FAP: variants seen among roughly 807,000 people sequenced by gnomAD.
FAP encodes the protein prolyl endopeptidase FAP.
FAP carries 110 observed loss-of-function variants against 126.5 expected under a neutral mutation model. That is an observed-to-expected ratio of 0.87 (90% CI 0.74 to 1.02). FAP has a LOEUF of 1.02. Ranked by LOEUF, FAP falls within the 50% of genes least tolerant of loss-of-function variation. The probability of loss-of-function intolerance (pLI) is 0.00; values close to 1 mark genes in which losing one functional copy is unlikely to be tolerated. For synonymous variants in FAP, 334 were observed against 297.3 expected (o/e 1.12, Z -1.27); for missense variants, 919 against 909.2 (o/e 1.01, Z -0.14).
intron 16 of FAP, among the ~76,000 whole-genome samples, chr2:162,196,790 G>A (rs1225598137): frequency 6.6e-6 from 1 of 152,110 alleles, no homozygotes; most frequent in Non-Finnish European, 1.5e-5. Context: ...TTCCTATGAT[G>A]GCGCAGTGAC....
intron 21 of FAP, among the ~76,000 whole-genome samples, chr2:162,179,806 A>C (rs201209521): frequency 5.0e-5 from 7 of 138,840 alleles, no homozygotes; most frequent in African/African-American, 1.7e-4. Flanking sequence ...ATATATATAT[A>C]TATATATTTT....
chr2:162,182,266 C>A (rs574153969), intron 21 of FAP, among the ~76,000 whole-genome samples: 1 of 152,086 alleles, frequency 6.6e-6, no homozygotes, highest in Non-Finnish European at 1.5e-5. Context: ...AAAGCAAAGT[C>A]CAACTCTAAG....
At chr2:162,184,495 A>C (rs1013739853) in intron 20 of FAP, among the ~76,000 whole-genome samples, 1 of 152,236 alleles carries the variant, frequency 6.6e-6, no homozygotes, top group Admixed American at 6.5e-5. Context: ...TCTTGCATTG[A>C]TTCAACATGC....
At chr2:162,234,741 C>T (rs961219016) in intron 2 of FAP, among the ~76,000 whole-genome samples, 2 of 152,160 alleles carry the variant, frequency 1.3e-5, no homozygotes, top group African/African-American at 2.4e-5. Context: ...TCCTCGGCCT[C>T]GGCACCCATT....
intron 19 of FAP, 39 bp downstream of exon 19, chr2:162,189,064 T>C (rs1326650132): frequency 7.8e-7 from 1 of 1,282,880 alleles, no homozygotes; most frequent in Admixed American, 1.8e-5. Flanking sequence ...TAACATATTT[T>C]CAGTAAATAG....
intron 12 of FAP, among the ~76,000 whole-genome samples, chr2:162,209,182 T>C (rs2106259195): frequency 6.6e-6 from 1 of 152,252 alleles, no homozygotes; most frequent in Non-Finnish European, 1.5e-5. Flanking sequence ...CCTAAGAGTT[T>C]CCTTTTTCAT....
At chr2:162,201,097 G>C (rs903785018) in intron 14 of FAP, among the ~76,000 whole-genome samples, 1 of 152,170 alleles carries the variant, frequency 6.6e-6, no homozygotes, top group African/African-American at 2.4e-5. Context: ...AGATGCAAAA[G>C]AAGTCATAAG....
At chr2:162,193,795 A>G (rs1193861628) in intron 17 of FAP, 1 of 151,542 alleles carries the variant, frequency 6.6e-6, no homozygotes, top group Non-Finnish European at 1.5e-5. Flanking sequence ...TGTTATTTTC[A>G]CCTACACTTG....
At chr2:162,216,230 T>A (rs1310944878) in intron 9 of FAP, among the ~76,000 whole-genome samples, 2 of 152,202 alleles carry the variant, frequency 1.3e-5, no homozygotes, top group African/African-American at 4.8e-5. Context: ...AACTGCCTAA[T>A]GAGAGAGCTT....
At chr2:162,184,772 TA>T (rs3216639) in intron 20 of FAP, among the ~76,000 whole-genome samples, 6,392 of 149,648 alleles carry the variant, frequency 0.043, 666 homozygotes, top group Admixed American at 0.24. Context: ...ACTTTCTTGT[TA>T]AAAAAAAAAT....
chr2:162,231,133 G>T (rs1387776899), intron 2 of FAP, among the ~76,000 whole-genome samples: 1 of 152,192 alleles, frequency 6.6e-6, no homozygotes, highest in Admixed American at 6.5e-5. Context: ...CAAGGGGACT[G>T]ATTCTACCCC....
Position 162,173,751 on chromosome 2 carries a change from G to A in FAP, c.2006C>T (p.Thr669Ile). 6.2e-7 allele frequency: 1 copy of A among 1,605,288 alleles called. No individual in the cohort carries two copies. The highest frequency in any genetic ancestry group is 8.5e-7 in the Non-Finnish European group (1 of 1,172,196). ...VYTERFMGLP[T>I]KDDNLEHYKN... is the part of the protein sequence containing the mutation. ...ATAGTGCTCAAGATTATCATCCTTTGTTGGGAGACCCATGAATCTCTCTGT... is the reference window on the plus strand; with the variant it reads ...ATAGTGCTCAAGATTATCATCCTTTATTGGGAGACCCATGAATCTCTCTGT... The change falls in exon 23 of 26, where the codon ACA (threonine) becomes ATA (isoleucine). Residue 669 changes from threonine (T) to isoleucine (I), a missense_variant. Transcript: ENST00000188790.
Position 162,219,916 on chromosome 2 carries a change from T to C in FAP, c.423A>G (p.Val141=). 1 of 1,611,004 alleles carries C rather than the reference T, an allele frequency of 6.2e-7. No individual in the cohort carries two copies. The highest frequency in any genetic ancestry group is 8.5e-7 in the Non-Finnish European group (1 of 1,177,494). ...YIYDLSNGEF[V]RGNELPRPIQ... Reference sequence around the variant, plus strand: ...TTGGACGAGGAAGCTCATTTCCTCTTACAAATTCTCTAGAAGGAAAGAAAG... The same window carrying C: ...TTGGACGAGGAAGCTCATTTCCTCTCACAAATTCTCTAGAAGGAAAGAAAG... Residue 141 remains valine (V), a synonymous_variant, in exon 7 of 26, where the codon GTA becomes GTG. Transcript: ENST00000188790.
chr2:162,200,781 C>T (rs1355674529), intron 14 of FAP, among the ~76,000 whole-genome samples, 162 bp from the exon 15 acceptor site: 1 of 152,108 alleles, frequency 6.6e-6, no homozygotes, highest in Non-Finnish European at 1.5e-5. Context: ...CTGAACTTTG[C>T]ACATTTATCC....
At chr2:162,176,613 T>G (rs1687495668) in intron 21 of FAP, 1 of 152,184 alleles carries the variant, frequency 6.6e-6, no homozygotes, top group African/African-American at 2.4e-5. Context: ...AAGGCTTTCC[T>G]TCCTTCTGAA....
rs145487002 is a variant in FAP, at chr2:162,234,467, T to C, written c.92-7846A>G. Among the ~76,000 whole-genome samples, 687 of 152,300 alleles carry C rather than the reference T, an allele frequency of 4.5e-3. 4 individuals carry two copies. The highest frequency in any genetic ancestry group is 0.015 in the African/African-American group (637 of 41,540). ...TACTGAACTGTATTGTTAGTTCTAA[T>C]AGTTTTTTAGTGAATTCCTTAGGAT... On this transcript the variant is annotated intron_variant, in intron 2 of 25. Transcript: ENST00000188790.
intron 16 of FAP, among the ~76,000 whole-genome samples, chr2:162,196,043 T>C (rs1487363030): frequency 1.3e-5 from 2 of 152,222 alleles, no homozygotes; most frequent in Non-Finnish European, 2.9e-5. Flanking sequence ...AACATGCTTT[T>C]GATCCGTTCC....
chr2:162,199,229 T>C (rs1241898539), intron 15 of FAP, among the ~76,000 whole-genome samples: 2 of 152,236 alleles, frequency 1.3e-5, no homozygotes, highest in African/African-American at 4.8e-5. Context: ...TTCGTCTTTC[T>C]ATCTCTCTGT....
chr2:162,176,217 G>A (rs969067312), intron 21 of FAP: 2 of 152,056 alleles, frequency 1.3e-5, no homozygotes, highest in South Asian at 2.1e-4. Flanking sequence ...CAGTGGCAGA[G>A]GTCTATTTTT....
Sources: allele counts gnomAD v4.1 joint callset (sites outside exome capture counted in the v4.1 genomes callset), GRCh38; gene constraint gnomAD v4.1.1; transcripts MANE v1.5; gene names NCBI Gene and HGNC (gene_info 2026-07-23, HGNC 2026-07-21).